The following SH2D4A variants were observed in gnomAD, a reference collection of about 807,000 sequenced individuals.
SH2D4A encodes SH2 domain-containing protein 4A.
SH2D4A carries 70 observed loss-of-function variants against 64.7 expected under a neutral mutation model. The ratio of observed to expected loss-of-function variants is 1.08; its 90% CI spans 0.89 to 1.32. The LOEUF is 1.32. Ranked by LOEUF, SH2D4A falls within the 40% of genes most tolerant of loss-of-function variation. The pLI, the probability that SH2D4A is intolerant of heterozygous loss-of-function variation, is 0.00. For synonymous variants in SH2D4A, 268 were observed against 200.7 expected, an observed-to-expected ratio of 1.34 and a Z score of -2.83; for missense variants, 706 against 540.1, an observed-to-expected ratio of 1.31 and a Z score of -3.04.
At chr8:19,338,727 T>C (rs1306289160) in intron 4 of SH2D4A, among the ~76,000 whole-genome samples, 3 of 152,154 alleles carry the variant, frequency 2.0e-5, no homozygotes, top group African/African-American at 7.2e-5. Flanking sequence ...TGGCCCAAGG[T>C]TGGGTCTCTG....
chr8:19,392,044 CTG>C (rs759562514), intron 8 of SH2D4A, among the ~76,000 whole-genome samples: 5 of 152,076 alleles, frequency 3.3e-5, no homozygotes, highest in Admixed American at 1.3e-4. Context: ...CGTTTCTACT[CTG>C]TGAGTTTTAC....
intron 6 of SH2D4A, among the ~76,000 whole-genome samples, chr8:19,362,676 G>A (rs936217122): frequency 2.0e-5 from 3 of 152,012 alleles, no homozygotes; most frequent in African/African-American, 7.3e-5. Context: ...GGAGGCGGAG[G>A]TTGCAGTGAG....
intron 2 of SH2D4A, among the ~76,000 whole-genome samples, chr8:19,326,100 C>A (rs1191107329): frequency 6.6e-6 from 1 of 152,228 alleles, no homozygotes; most frequent in African/African-American, 2.4e-5. Flanking sequence ...CTGGCCTAAA[C>A]AAGTTTTGCC....
At chr8:19,365,483 GTC>G (rs1322374182) in intron 7 of SH2D4A, among the ~76,000 whole-genome samples, 5 of 152,154 alleles carry the variant, frequency 3.3e-5, no homozygotes, top group Non-Finnish European at 5.9e-5. Context: ...GAGCTTGTCT[GTC>G]CGCACGTTGG....
intron 1 of SH2D4A, 95 bp from the exon 2 acceptor site, chr8:19,319,249 C>G: frequency 1.1e-6 from 1 of 930,658 alleles, no homozygotes; most frequent in Non-Finnish European, 1.3e-6. Context: ...AAAAGTGATA[C>G]TGTGTTTCCT....
chr8:19,370,282 G>A (rs1304783118), intron 7 of SH2D4A, among the ~76,000 whole-genome samples: 1 of 152,060 alleles, frequency 6.6e-6, no homozygotes, highest in Non-Finnish European at 1.5e-5. Context: ...ATTCTAGAGT[G>A]TGGTTTAATT....
intron 4 of SH2D4A, among the ~76,000 whole-genome samples, chr8:19,352,964 C>T (rs2052731397): frequency 6.6e-6 from 1 of 152,122 alleles, no homozygotes; most frequent in Non-Finnish European, 1.5e-5. Context: ...GAGCCCTGAT[C>T]ATGCCACCGC....
intron 5 of SH2D4A, among the ~76,000 whole-genome samples, chr8:19,358,880 C>T (rs975572050): frequency 1.3e-5 from 2 of 152,182 alleles, no homozygotes; most frequent in African/African-American, 2.4e-5. Context: ...TCACAGCTCA[C>T]ACCACACATC....
chr8:19,387,801 CCTGCCTCAATA>C (rs1563214143), intron 8 of SH2D4A, among the ~76,000 whole-genome samples: 3 of 152,178 alleles, frequency 2.0e-5, no homozygotes, highest in Non-Finnish European at 4.4e-5. Context: ...TAGGGTTGTT[CCTGCCTCAATA>C]TGTGCATGTA....
chr8:19,338,669 T>C (rs879743036), intron 4 of SH2D4A, among the ~76,000 whole-genome samples: 9 of 152,190 alleles, frequency 5.9e-5, no homozygotes, highest in Admixed American at 5.9e-4. Context: ...GGAATCGGAT[T>C]CTCTTTAAGT....
At chr8:19,366,237 G>C (rs1245112127) in intron 7 of SH2D4A, among the ~76,000 whole-genome samples, 1 of 152,002 alleles carries the variant, frequency 6.6e-6, no homozygotes, top group Non-Finnish European at 1.5e-5. Flanking sequence ...TATATATATT[G>C]TGTAGTGATC....
At chr8:19,393,932 TGTGC>T (rs1433748481) in intron 9 of SH2D4A, among the ~76,000 whole-genome samples, 1 of 152,196 alleles carries the variant, frequency 6.6e-6, no homozygotes, top group African/African-American at 2.4e-5. Context: ...TTACATTGAT[TGTGC>T]ATTTTATTAT....
intron 4 of SH2D4A, among the ~76,000 whole-genome samples, chr8:19,348,327 G>T (rs775656490): frequency 2.6e-5 from 4 of 151,998 alleles, no homozygotes; most frequent in Non-Finnish European, 4.4e-5. Context: ...GAACTTCTGG[G>T]CTCAAGTGAT....
chr8:19,380,032 G>C lies in SH2D4A; in HGVS notation c.1048+6372G>C, dbSNP rs76416513. Among the ~76,000 whole-genome samples, 16 of 152,262 alleles carry C rather than the reference G, an allele frequency of 1.1e-4. No homozygotes were observed. The East Asian group carries it at 3.1e-3, about 29-fold the overall frequency. ...ATTACAGGCATGAGTCACTGTGCCTGTTATCCTTTTTTTCTCTCTCTCTTT... is the reference window on the plus strand; with the variant it reads ...ATTACAGGCATGAGTCACTGTGCCTCTTATCCTTTTTTTCTCTCTCTCTTT... On this transcript the variant is annotated intron_variant, in intron 8 of 9. Transcript: ENST00000265807.
At chr8:19,314,027 GCGGGTGT>G (rs1433483478) in intron 1 of SH2D4A, 2 of 1,167,394 alleles carry the variant, frequency 1.7e-6, no homozygotes, top group Non-Finnish European at 2.1e-6. Flanking sequence ...AGCGGCCGCG[GCGGGTGT>G]CCGGTGTCCG....
In SH2D4A at chr8:19,393,548, C is replaced by A; in HGVS notation, c.1272+7C>A. The A allele has an allele frequency of 6.2e-7, 1 of 1,613,212 alleles. No individual in the cohort carries two copies. On this transcript the variant is annotated splice_region_variant and intron_variant, in intron 9 of 9. Transcript: ENST00000265807. ...TTTGGTGGAATATCACAAGGTGAAG[C>A]AATGCATAAACTTAATTTGCCTTCT... is the stretch of plus-strand genomic sequence containing the variant.
intron 2 of SH2D4A, among the ~76,000 whole-genome samples, chr8:19,328,457 A>G (rs1255296332): frequency 6.6e-6 from 1 of 152,008 alleles, no homozygotes; most frequent in Non-Finnish European, 1.5e-5. Context: ...GGATTCTGGC[A>G]TCATCTTTGA....
chr8:19,347,485 G>A (rs574983076), intron 4 of SH2D4A, among the ~76,000 whole-genome samples: 2 of 152,276 alleles, frequency 1.3e-5, no homozygotes, highest in Non-Finnish European at 2.9e-5. Flanking sequence ...GTTGTTCTGC[G>A]TGTGGTTGGG....
intron 4 of SH2D4A, among the ~76,000 whole-genome samples, chr8:19,339,980 C>A (rs2052502093): frequency 6.6e-6 from 1 of 152,146 alleles, no homozygotes; most frequent in African/African-American, 2.4e-5. Flanking sequence ...AGAGAGACAT[C>A]ACATAACATA....
Sources: allele counts gnomAD v4.1 joint callset (sites outside exome capture counted in the v4.1 genomes callset), GRCh38; gene constraint gnomAD v4.1.1; transcripts MANE v1.5; gene names NCBI Gene and HGNC (gene_info 2026-07-23, HGNC 2026-07-21).